Variants in PBX1 observed in about 807,000 individuals in gnomAD.
PBX1 encodes PBX homeobox 1, also known as pre-B-cell leukemia transcription factor 1.
In PBX1, 6 loss-of-function variants were observed where a neutral mutation model predicts 53.4. The observed-to-expected ratio is 0.11, with a 90% CI of 0.06 to 0.22. The LOEUF (loss-of-function observed/expected upper bound fraction) is 0.22. Ranked by LOEUF, PBX1 falls within the 10% of genes least tolerant of loss-of-function variation. PBX1 has a pLI of 1.00. For missense variants in PBX1, 251 were observed against 551.4 expected, an observed-to-expected ratio of 0.46 and a Z score of 5.46; for synonymous variants, 204 against 212.3, an observed-to-expected ratio of 0.96 and a Z score of 0.34.
At position 164,655,111 on chromosome 1, in the gene PBX1, T is replaced by TA. The variant is rs1553225120; in HGVS notation, c.265+91800_265+91801insA. Reference sequence around the variant, plus strand: ...AGTCTCTGATGTGTGTTTTTTTTTTTTTTTTATTTTTATTTTTTTAAGACG... The same window carrying TA: ...AGTCTCTGATGTGTGTTTTTTTTTTTATTTTTATTTTTATTTTTTTAAGACG... On this transcript the variant is annotated intron_variant, in intron 2 of 8. Coordinates refer to ENST00000420696, the MANE Select transcript of PBX1 (RefSeq NM_002585.4). Among the ~76,000 whole-genome samples the TA allele has an allele frequency of 1.8e-3, 269 of 150,802 alleles. 3 individuals are homozygous for TA. Among genetic ancestry groups the TA allele is most frequent in the Non-Finnish European group, 3.0e-3 (205 of 67,832 alleles).
At chr1:164,750,005 C>A (rs1361320129) in intron 2 of PBX1, among the ~76,000 whole-genome samples, 2 of 151,600 alleles carry the variant, frequency 1.3e-5, no homozygotes, top group Non-Finnish European at 2.9e-5. Context: ...GAGGCTGAGG[C>A]AAAAGGATCA....
intron 2 of PBX1, among the ~76,000 whole-genome samples, chr1:164,599,727 T>G (rs1656033637): frequency 6.6e-6 from 1 of 152,230 alleles, no homozygotes; most frequent in Non-Finnish European, 1.5e-5. Flanking sequence ...TTCAATGGGT[T>G]GTGCCCTTCC....
At chr1:164,580,364 C>T (rs1223237664) in intron 2 of PBX1, among the ~76,000 whole-genome samples, 3 of 152,130 alleles carry the variant, frequency 2.0e-5, no homozygotes, top group African/African-American at 4.8e-5. Flanking sequence ...CTGCAACCTC[C>T]GCCTCCCGGG....
At chr1:164,583,280 C>CG (rs760346579) in intron 2 of PBX1, among the ~76,000 whole-genome samples, 68 of 135,710 alleles carry the variant, frequency 5.0e-4, no homozygotes, top group South Asian at 9.8e-4. Context: ...CCAAGAGAGG[C>CG]GGGAAAAAAA....
intron 2 of PBX1, chr1:164,683,386 C>A (rs1193658589): frequency 6.6e-6 from 1 of 152,160 alleles, no homozygotes; most frequent in Admixed American, 6.5e-5. Flanking sequence ...TTCTAACAGG[C>A]CATATTCTTT....
intron 2 of PBX1, among the ~76,000 whole-genome samples, chr1:164,611,233 CTG>C (rs1276417846): frequency 1.3e-5 from 2 of 151,964 alleles, no homozygotes; most frequent in East Asian, 3.9e-4. Context: ...TTTCACATTT[CTG>C]TGTTTCTTTT....
intron 2 of PBX1, among the ~76,000 whole-genome samples, chr1:164,698,667 C>T (rs567495905): frequency 3.3e-5 from 5 of 152,240 alleles, no homozygotes; most frequent in East Asian, 1.9e-4. Flanking sequence ...CTCATCAGAG[C>T]GCCCAAAAGC....
intron 2 of PBX1, among the ~76,000 whole-genome samples, chr1:164,627,843 A>G (rs1336414236): frequency 1.3e-5 from 2 of 152,076 alleles, no homozygotes; most frequent in Non-Finnish European, 2.9e-5. Context: ...TATCCAGATA[A>G]TCTCATTTTT....
chr1:164,720,710 T>C (rs1362707582), intron 2 of PBX1, among the ~76,000 whole-genome samples: 1 of 152,178 alleles, frequency 6.6e-6, no homozygotes, highest in African/African-American at 2.4e-5. Context: ...ATATTATCAT[T>C]AGACCTGCCT....
chr1:164,700,714 A>G (rs1663069679), intron 2 of PBX1: 2 of 985,390 alleles, frequency 2.0e-6, no homozygotes, highest in African/African-American at 1.7e-5. Context: ...TGGATGAGGT[A>G]GGTGAATTAA....
chr1:164,713,977 G>A (rs1418181080), intron 2 of PBX1, among the ~76,000 whole-genome samples: 3 of 152,172 alleles, frequency 2.0e-5, no homozygotes, highest in African/African-American at 7.2e-5. Context: ...CTCACGTGTT[G>A]CAAAATGGCC....
At chr1:164,622,611 T>A (rs1409122060) in intron 2 of PBX1, among the ~76,000 whole-genome samples, 1 of 152,192 alleles carries the variant, frequency 6.6e-6, no homozygotes, top group African/African-American at 2.4e-5. Context: ...CTACCCATCA[T>A]GTACTTGGCC....
intron 2 of PBX1, among the ~76,000 whole-genome samples, chr1:164,748,998 A>T (rs1457658699): frequency 6.6e-6 from 1 of 152,078 alleles, no homozygotes; most frequent in East Asian, 1.9e-4. Context: ...GCTAGACCTC[A>T]CTCCTGGTTG....
intron 2 of PBX1, among the ~76,000 whole-genome samples, chr1:164,651,327 G>A (rs1659801967): frequency 6.6e-6 from 1 of 151,982 alleles, no homozygotes; most frequent in Non-Finnish European, 1.5e-5. Context: ...TGTGCGGACG[G>A]GGAAAGGTCT....
At chr1:164,648,548 A>G (rs1184511724) in intron 2 of PBX1, among the ~76,000 whole-genome samples, 1 of 152,178 alleles carries the variant, frequency 6.6e-6, no homozygotes, top group Non-Finnish European at 1.5e-5. Flanking sequence ...AGAGAAGGAC[A>G]TGGAGGCCCA....
At chr1:164,562,965 TAA>T (rs34618409) in intron 1 of PBX1, 714 of 176,740 alleles carry the variant, frequency 4.0e-3, no homozygotes, top group Middle Eastern at 0.011. Context: ...TTAAACTACT[TAA>T]AAAAAAAAAA....
At position 164,630,213 on chromosome 1, in the gene PBX1, A is replaced by G. The variant is rs74354354; in HGVS notation, c.265+66902A>G. ...GATCTACGAGTCTTTTGGCATGGGC[A>G]TAGACAGAAAGATTGCATAATTTGT... On this transcript the variant is annotated intron_variant, in intron 2 of 8. Coordinates refer to ENST00000420696, the MANE Select transcript of PBX1 (RefSeq NM_002585.4). Among the ~76,000 whole-genome samples, 5 of 152,356 alleles carry G rather than the reference A, an allele frequency of 3.3e-5. No individual in the cohort carries two copies. The East Asian group carries it at 9.6e-4, about 29-fold the overall frequency.
At chr1:164,626,488 C>A (rs1270755570) in intron 2 of PBX1, among the ~76,000 whole-genome samples, 2 of 152,102 alleles carry the variant, frequency 1.3e-5, no homozygotes, top group Non-Finnish European at 2.9e-5. Context: ...CAGACACATA[C>A]TTATCTAATT....
At chr1:164,875,646 A>G (rs1034755936) in intron 2 of PBX1, among the ~76,000 whole-genome samples, 2 of 152,108 alleles carry the variant, frequency 1.3e-5, no homozygotes, top group East Asian at 3.9e-4. Context: ...AAATGGCCAA[A>G]CCCTTGAGCC....
Sources: allele counts gnomAD v4.1 joint callset (sites outside exome capture counted in the v4.1 genomes callset), GRCh38; gene constraint gnomAD v4.1.1; transcripts MANE v1.5; gene names NCBI Gene and HGNC (gene_info 2026-07-23, HGNC 2026-07-21).